SHANK2: variants seen among roughly 807,000 people sequenced by gnomAD.
The protein encoded by SHANK2 is SH3 and multiple ankyrin repeat domains protein 2.
A neutral mutation model predicts 133.7 loss-of-function variants in SHANK2; 43 were observed. That is an observed-to-expected ratio of 0.32 (90% CI 0.25 to 0.41). SHANK2 has a LOEUF of 0.41. Among genes scored for constraint, SHANK2 ranks in the 10% least tolerant of loss-of-function variants. The pLI is 1.00. For missense variants in SHANK2, 1,994 were observed against 2,235.8 expected, an observed-to-expected ratio of 0.89 and a Z score of 2.18; for synonymous variants, 1,017 against 952.8, an observed-to-expected ratio of 1.07 and a Z score of -1.24.
At chr11:71,154,187 A>G (rs1952855434) in intron 2 of SHANK2, among the ~76,000 whole-genome samples, 1 of 152,118 alleles carries the variant, frequency 6.6e-6, no homozygotes, top group Non-Finnish European at 1.5e-5. Flanking sequence ...GGCAGTGAGG[A>G]CCCCGAGGCT....
chr11:71,236,848 G>A (rs1954831083), intron 1 of SHANK2, among the ~76,000 whole-genome samples: 1 of 152,212 alleles, frequency 6.6e-6, no homozygotes, highest in Non-Finnish European at 1.5e-5. Flanking sequence ...GGGTGACACA[G>A]TGAGACTCCA....
intron 2 of SHANK2, among the ~76,000 whole-genome samples, chr11:71,196,997 CAAAAA>C (rs71467429): frequency 1.2e-5 from 1 of 81,914 alleles, no homozygotes; most frequent in African/African-American, 4.6e-5. Flanking sequence ...GACTCTGTCT[CAAAAA>C]AAAAAAAAAA....
At chr11:71,129,528 C>T (rs371928643) in intron 3 of SHANK2, among the ~76,000 whole-genome samples, 14 of 152,178 alleles carry the variant, frequency 9.2e-5, no homozygotes, top group East Asian at 5.8e-4. Context: ...GTCTGCAGTC[C>T]CAGCTACTCT....
chr11:70,802,675 GT>G lies in SHANK2; in HGVS notation c.1664-4120del, dbSNP rs1298904948. Among the ~76,000 whole-genome samples, 12 of 152,190 alleles carry G rather than the reference GT, an allele frequency of 7.9e-5. 1 individual carries two copies. Among genetic ancestry groups the G allele is most frequent in the Admixed American group, 5.2e-4 (8 of 15,280 alleles). On this transcript the variant is annotated intron_variant, in intron 13 of 25. Transcript: ENST00000601538. Reference sequence around the variant, plus strand: ...GCTGGTGTCTGGGGTCACAAAGATGGTGCAGGATTTGGGGCAGACACCTGGA... The same window carrying G: ...GCTGGTGTCTGGGGTCACAAAGATGGGCAGGATTTGGGGCAGACACCTGGA...
At chr11:71,065,397 G>C (rs1303589352) in intron 9 of SHANK2, among the ~76,000 whole-genome samples, 1 of 146,088 alleles carries the variant, frequency 6.8e-6, no homozygotes, top group Non-Finnish European at 1.5e-5. Context: ...GCAGTGACTG[G>C]GGAAGTTGTG....
At chr11:70,566,644 G>A (rs2059971597) in intron 17 of SHANK2, 1 of 152,196 alleles carries the variant, frequency 6.6e-6, no homozygotes, top group Non-Finnish European at 1.5e-5. Context: ...AAGAAATTCT[G>A]GTGTTTCTAA....
At chr11:71,100,697 T>C (rs1451401737) in intron 6 of SHANK2, among the ~76,000 whole-genome samples, 2 of 151,876 alleles carry the variant, frequency 1.3e-5, no homozygotes, top group African/African-American at 2.4e-5. Context: ...TGAAACCCCG[T>C]CTCTACTAAA....
intron 14 of SHANK2, among the ~76,000 whole-genome samples, chr11:70,796,474 C>T (rs1036955752): frequency 3.9e-5 from 6 of 152,096 alleles, no homozygotes; most frequent in African/African-American, 1.4e-4. Flanking sequence ...AAGGTGAGTG[C>T]CAGGAGAGGG....
At chr11:71,218,162 GA>G (rs1954453454) in intron 2 of SHANK2, among the ~76,000 whole-genome samples, 1 of 151,584 alleles carries the variant, frequency 6.6e-6, no homozygotes, top group African/African-American at 2.4e-5. Flanking sequence ...GCCCGGCCAA[GA>G]GGTATTTTTT....
rs1438196823 is a variant in SHANK2, at chr11:70,500,704, G to C, written c.2288-114C>G. On this transcript the variant is annotated intron_variant, in intron 20 of 25. Transcript: ENST00000601538. This position sits in a 1 kb window ranked among gnomAD's most constrained non-coding sequence, Gnocchi z 4.5. ...TCAGGAGCAGGCTGGGCCGGCAATG[G>C]GGCGGCAGGCAGGGGCTGTCTGGAA... 2 of 1,405,864 alleles carry C rather than the reference G, an allele frequency of 1.4e-6. No homozygotes were observed. Among genetic ancestry groups the C allele is most frequent in the African/African-American group, 2.8e-5 (2 of 70,196 alleles). 87.1% of individuals were successfully genotyped at this position (1,405,864 alleles called of 1,614,324 possible).
intron 10 of SHANK2, among the ~76,000 whole-genome samples, chr11:70,954,254 C>G (rs1026579060): frequency 6.6e-6 from 1 of 152,158 alleles, no homozygotes; most frequent in Admixed American, 6.5e-5. Flanking sequence ...GAGAAGGGTC[C>G]GCTGAGCAGA....
At chr11:71,167,529 G>T (rs1590980309) in intron 2 of SHANK2, among the ~76,000 whole-genome samples, 2 of 129,960 alleles carry the variant, frequency 1.5e-5, no homozygotes, top group African/African-American at 3.1e-5. Flanking sequence ...AGGGCGGCTG[G>T]CCGGGCGGGG....
chr11:70,523,426 A>G (rs959929655), intron 17 of SHANK2, among the ~76,000 whole-genome samples: 2 of 152,222 alleles, frequency 1.3e-5, no homozygotes, highest in Admixed American at 6.5e-5. Context: ...TCTGGCCCTC[A>G]TCAGCTCTAT....
intron 7 of SHANK2, among the ~76,000 whole-genome samples, chr11:71,093,058 G>GA (rs1555094493): frequency 1.4e-5 from 2 of 144,314 alleles, no homozygotes; most frequent in Non-Finnish European, 1.5e-5. Context: ...TAAAGGGGGG[G>GA]GGGGGCAGGT....
Position 70,486,804 on chromosome 11 carries a change from G to A in SHANK2, c.3489C>T (p.Ala1163=), listed in dbSNP as rs1194682643. Residue 1163 remains alanine (A), a synonymous_variant, in exon 25 of 26, where the codon GCC becomes GCT. Transcript: ENST00000601538. This position sits in a 1 kb window ranked among gnomAD's most constrained non-coding sequence, Gnocchi z 8.0. ...PENHFVGGAE[A]SAPGEAGRPL... ...GCCTCCCAGCCTCACCCGGAGCACT[G>A]GCCTCGGCGCCACCCACGAAATGGT... 1.2e-6 allele frequency: 2 copies of A among 1,612,196 alleles called. No individual in the cohort carries two copies. Among genetic ancestry groups the A allele is most frequent in the African/African-American group, 1.3e-5 (1 of 74,924 alleles).
At chr11:70,703,182 G>T (rs1189463244) in intron 14 of SHANK2, among the ~76,000 whole-genome samples, 1 of 152,128 alleles carries the variant, frequency 6.6e-6, no homozygotes, top group Non-Finnish European at 1.5e-5. Context: ...ACGTATTCTA[G>T]GTGTGTGTGC....
At chr11:71,132,647 G>A (rs564784871) in intron 3 of SHANK2, among the ~76,000 whole-genome samples, 1 of 152,114 alleles carries the variant, frequency 6.6e-6, no homozygotes, top group Non-Finnish European at 1.5e-5. Flanking sequence ...ACAGAGGAAG[G>A]GTCCACATAT....
chr11:70,948,226 C>A, intron 10 of SHANK2: 1 of 455,960 alleles, frequency 2.2e-6, no homozygotes, highest in South Asian at 1.6e-5. Context: ...TCCACCCTCA[C>A]CCTGCTGTAT....
At chr11:70,644,028 G>T (rs1340334344) in intron 17 of SHANK2, among the ~76,000 whole-genome samples, 4 of 152,150 alleles carry the variant, frequency 2.6e-5, no homozygotes, top group African/African-American at 9.7e-5. Flanking sequence ...GCGAGCAGGG[G>T]TTATCACTGG....
Sources: allele counts gnomAD v4.1 joint callset (sites outside exome capture counted in the v4.1 genomes callset), GRCh38; gene constraint gnomAD v4.1.1; non-coding constraint Gnocchi (gnomAD v3.1); transcripts MANE v1.5; gene names NCBI Gene and HGNC (gene_info 2026-07-23, HGNC 2026-07-21).